The following PTK2 variants were observed in gnomAD, a reference collection of about 807,000 sequenced individuals.
PTK2 encodes the protein protein tyrosine kinase 2.
Under a neutral mutation model 150.1 loss-of-function variants are expected in PTK2, and 45 were observed. The ratio of observed to expected loss-of-function variants is 0.30; its 90% CI spans 0.24 to 0.38. The LOEUF (loss-of-function observed/expected upper bound fraction) is 0.38. Ranked by LOEUF, PTK2 falls within the 10% of genes least tolerant of loss-of-function variation. PTK2 has a pLI of 1.00. For synonymous variants in PTK2, 432 were observed against 449.2 expected (o/e 0.96, Z 0.48); for missense variants, 919 against 1,307.3 (o/e 0.70, Z 4.58).
intron 1 of PTK2, among the ~76,000 whole-genome samples, chr8:140,957,296 C>T (rs1253147973): frequency 6.6e-6 from 1 of 151,982 alleles, no homozygotes. Context: ...GGCATGGTGG[C>T]ACACGCATGT....
intron 11 of PTK2, among the ~76,000 whole-genome samples, chr8:140,801,528 T>C (rs1281705237): frequency 6.6e-6 from 1 of 152,226 alleles, no homozygotes; most frequent in Non-Finnish European, 1.5e-5. Context: ...CAACCTCTCA[T>C]GCCTCAGTTT....
At chr8:140,770,730 T>A (rs1290917118) in intron 14 of PTK2, 6 of 1,346,640 alleles carry the variant, frequency 4.5e-6, no homozygotes, top group South Asian at 1.2e-5. Context: ...AGAAGGAGGA[T>A]CATGGGAACA....
intron 13 of PTK2, 122 bp downstream of exon 13, chr8:140,793,232 T>C (rs1053530007): frequency 5.8e-6 from 6 of 1,043,324 alleles, no homozygotes; most frequent in Non-Finnish European, 8.2e-6. Context: ...TAGAATTGTT[T>C]CCTAGTTCCT....
intron 21 of PTK2, among the ~76,000 whole-genome samples, chr8:140,738,485 C>A (rs2100053835): frequency 6.6e-6 from 1 of 152,142 alleles, no homozygotes; most frequent in African/African-American, 2.4e-5. Context: ...GATGACCTTG[C>A]AGCAGGTGAG....
At chr8:140,951,937 A>G (rs2100179692) in intron 1 of PTK2, among the ~76,000 whole-genome samples, 1 of 152,034 alleles carries the variant, frequency 6.6e-6, no homozygotes, top group Admixed American at 6.6e-5. Flanking sequence ...CAATGAGCCA[A>G]TGAGATGGCT....
intron 1 of PTK2, among the ~76,000 whole-genome samples, chr8:140,930,072 C>T (rs1485575773): frequency 2.0e-5 from 3 of 152,194 alleles, no homozygotes; most frequent in Non-Finnish European, 2.9e-5. Flanking sequence ...GACTGGTCTA[C>T]TAAACCTCCA....
At chr8:140,667,461 TCTCTC>T (rs201434619) in intron 30 of PTK2, among the ~76,000 whole-genome samples, 19 of 72,784 alleles carry the variant, frequency 2.6e-4, no homozygotes, top group Admixed American at 1.6e-3. Context: ...TCTCTCTCTC[TCTCTC>T]TTTTTTTTTT....
chr8:140,809,534 G>C (rs780044562), intron 10 of PTK2, among the ~76,000 whole-genome samples: 1 of 152,236 alleles, frequency 6.6e-6, no homozygotes, highest in African/African-American at 2.4e-5. Flanking sequence ...GCCAGGCACA[G>C]TGGTTCACGC....
intron 1 of PTK2, among the ~76,000 whole-genome samples, chr8:140,998,015 C>T (rs565701291): frequency 6.6e-6 from 1 of 152,306 alleles, no homozygotes; most frequent in East Asian, 1.9e-4. Context: ...CTTTTATATG[C>T]ACTGGGAAAC....
At chr8:140,838,340 CCTT>C (rs955926894) in intron 7 of PTK2, among the ~76,000 whole-genome samples, 3 of 152,186 alleles carry the variant, frequency 2.0e-5, no homozygotes, top group Non-Finnish European at 2.9e-5. Flanking sequence ...CCAACACACT[CCTT>C]GAGAGAGCTG....
intron 26 of PTK2, 176 bp downstream of exon 29, chr8:140,700,715 A>G: frequency 3.2e-6 from 2 of 629,746 alleles, no homozygotes. Flanking sequence ...ACCTCAGGTG[A>G]TCTGCTTGCC....
At chr8:140,773,374 G>A (rs1203617092) in intron 14 of PTK2, among the ~76,000 whole-genome samples, 2 of 152,186 alleles carry the variant, frequency 1.3e-5, no homozygotes, top group African/African-American at 2.4e-5. Flanking sequence ...AAGGGAGAAG[G>A]AAGATAAAAT....
intron 1 of PTK2, among the ~76,000 whole-genome samples, chr8:140,973,500 G>GT (rs1237618802): frequency 1.3e-5 from 2 of 150,432 alleles, no homozygotes; most frequent in African/African-American, 2.4e-5. Flanking sequence ...ACACACACAC[G>GT]TAAAAAAAAA....
intron 10 of PTK2, among the ~76,000 whole-genome samples, chr8:140,813,697 T>A (rs2100102944): frequency 6.6e-6 from 1 of 152,010 alleles, no homozygotes; most frequent in Non-Finnish European, 1.5e-5. Flanking sequence ...AAAAGTTAGA[T>A]CTCAGTTTAA....
chr8:140,995,782 TA>T (rs1235084485), intron 1 of PTK2, among the ~76,000 whole-genome samples: 1 of 151,524 alleles, frequency 6.6e-6, no homozygotes, highest in Admixed American at 6.6e-5. Flanking sequence ...TGTCTCAAAA[TA>T]AATAAATAAA....
chr8:140,700,817 T>C (rs2100029807), intron 26 of PTK2, 74 bp downstream of exon 29: 1 of 1,523,856 alleles, frequency 6.6e-7, no homozygotes, highest in African/African-American at 1.4e-5. Flanking sequence ...AGATAACATT[T>C]TGCAATAATT....
At position 140,761,145 on chromosome 8, in the gene PTK2, G is replaced by C. The variant is rs2100069201; in HGVS notation, c.1332+20C>G. The C allele has an allele frequency of 1.3e-6, 2 of 1,507,410 alleles. No homozygotes were observed. The highest frequency in any genetic ancestry group is 1.8e-6 in the Non-Finnish European group (2 of 1,085,370). 93.4% of individuals were successfully genotyped at this position (1,507,410 alleles called of 1,614,324 possible). ...ATAGTCAAAATTAGTCTAGTTGTTT[G>C]GTAGTCTTAAAAGACTTACTGGACT... On this transcript the variant is annotated intron_variant, in intron 16 of 31. Transcript: ENST00000522684.
At chr8:140,986,677 T>G (rs2100193361) in intron 1 of PTK2, among the ~76,000 whole-genome samples, 1 of 151,464 alleles carries the variant, frequency 6.6e-6, no homozygotes, top group African/African-American at 2.4e-5. Flanking sequence ...CTCCAGAGAG[T>G]AAACCAGTAA....
At chr8:140,757,393 T>C (rs1282203046) in intron 16 of PTK2, among the ~76,000 whole-genome samples, 4 of 151,910 alleles carry the variant, frequency 2.6e-5, no homozygotes, top group South Asian at 2.1e-4. Flanking sequence ...TTAAAAAAAA[T>C]TGAAAAAGGA....
Sources: gnomAD v4.1 joint callset for allele counts (sites outside exome capture counted in the v4.1 genomes callset) on GRCh38, gnomAD v4.1.1 for gene constraint, MANE v1.5 for transcripts, NCBI Gene and HGNC (gene_info 2026-07-23, HGNC 2026-07-21) for gene names.